The following ECEL1 variants were observed in gnomAD, a reference collection of about 807,000 sequenced individuals.
The protein encoded by ECEL1 is endothelin converting enzyme like 1, also known as endothelin-converting enzyme-like 1.
Under a neutral mutation model 101.8 loss-of-function variants are expected in ECEL1, and 87 were observed. That is an observed-to-expected ratio of 0.85 (90% CI 0.72 to 1.02). The LOEUF (loss-of-function observed/expected upper bound fraction) is 1.02, where lower values mean the gene tolerates loss of function less well. ECEL1 is among the 50% of genes least tolerant of loss of function. The pLI, the probability that ECEL1 is intolerant of heterozygous loss-of-function variation, is 0.00. For missense variants in ECEL1, 1,032 were observed against 1,079.2 expected, an observed-to-expected ratio of 0.96 and a Z score of 0.61; for synonymous variants, 487 against 468.7, an observed-to-expected ratio of 1.04 and a Z score of -0.50.
chr2:232,480,241 C>G lies in ECEL1; in HGVS notation c.2240G>C (p.Ser747Thr). The part of the protein sequence containing the change: ...HAPEHYRVLG[S>T]VSQFEEFGRA... Reference sequence around the variant, plus strand: ...GCCAAACTCCTCAAACTGGGACACACTGCCCAGCACCCTGGGGTGGGGAGA... The same window carrying G: ...GCCAAACTCCTCAAACTGGGACACAGTGCCCAGCACCCTGGGGTGGGGAGA... Residue 747 changes from serine to threonine, a missense_variant, in exon 18 of 18, where the codon AGT becomes ACT. By Grantham distance (58) the Ser-to-Thr change is moderately conservative. Coordinates refer to ENST00000304546, the MANE Select transcript of ECEL1 (RefSeq NM_004826.4). 6.2e-7 allele frequency: 1 copy of G among 1,613,992 alleles called. No homozygotes were observed. The highest frequency in any genetic ancestry group is 2.2e-5 in the East Asian group (1 of 44,872).
intron 9 of ECEL1, 50 bp downstream of exon 9, chr2:232,483,055 C>T (rs1395424018): frequency 6.2e-6 from 10 of 1,612,076 alleles, no homozygotes; most frequent in African/African-American, 4.0e-5. Context: ...TCCTGAGTGC[C>T]GTTAGTAGAG....
chr2:232,482,560 C>T lies in ECEL1; in HGVS notation c.1734G>A (p.Lys578=). The part of the protein sequence containing the change: ...QALNAYYLPN[K]NQMVFPAGIL... ...GACACATCCCCTTACCCATCTGGTT[C>T]TTGTTGGGTAGATAGTAGGCATTGA... The change falls in exon 11 of 18, where the codon AAG becomes AAA. Residue 578 remains lysine, a synonymous_variant. Transcript: ENST00000304546. The T allele has an allele frequency of 6.2e-7, 1 of 1,613,868 alleles. No individual in the cohort carries two copies. The highest frequency in any genetic ancestry group is 8.5e-7 in the Non-Finnish European group (1 of 1,179,988).
chr2:232,486,533 C>G lies in ECEL1; in HGVS notation c.121G>C (p.Ala41Pro). The change falls in exon 2 of 18, where the codon GCT (alanine) becomes CCT (proline). Residue 41 changes from alanine to proline, a missense_variant. Physicochemically the swap from Ala to Pro is conservative, Grantham distance 27. Transcript: ENST00000304546. ...ASLPPGFPLG[A>P]ARSATGARSG... is the part of the protein sequence containing the mutation. ...CGGGCCCCGGTGGCGCTGCGCGCAG[C>G]GCCCAACGGGAAGCCCGGGGGCAGG... 7.5e-7 allele frequency: 1 copy of G among 1,341,926 alleles called. No homozygotes were observed. Among genetic ancestry groups the G allele is most frequent in the Non-Finnish European group, 9.5e-7 (1 of 1,056,698 alleles). The allele number at this position is 1,341,926 out of a possible 1,614,324, so 83.1% of individuals were successfully genotyped here.
At position 232,486,163 on chromosome 2, in the gene ECEL1, A is replaced by C. The variant is rs984257553; in HGVS notation, c.491T>G (p.Leu164Arg). The C allele has an allele frequency of 1.3e-6, 2 of 1,576,360 alleles. No individual in the cohort carries two copies. Among genetic ancestry groups the C allele is most frequent in the Admixed American group, 3.6e-5 (2 of 55,380 alleles). Residue 164 changes from leucine (L) to arginine (R), a missense_variant, in exon 2 of 18, where the codon CTG (leucine) becomes CGG (arginine). Leu to Arg is a moderately radical substitution (Grantham distance 102). Coordinates refer to ENST00000304546, the MANE Select transcript of ECEL1 (RefSeq NM_004826.4). Reference protein sequence around the residue: ...GEQNEERLRRLLARPGGGPGG... With the variant: ...GEQNEERLRRRLARPGGGPGG... ...AGGCCCACCCCCGGGCCGCGCCAGC[A>C]GGCGCCGTAGGCGCTCCTCGTTTTG...
intron 7 of ECEL1, among the ~76,000 whole-genome samples, chr2:232,483,725 G>A (rs1004451241): frequency 3.3e-5 from 5 of 152,262 alleles, no homozygotes; most frequent in African/African-American, 1.2e-4. Flanking sequence ...AATGACCACA[G>A]ACATCCCTAA....
At chr2:232,487,494 CA>C (rs1228207158) in intron 1 of ECEL1, among the ~76,000 whole-genome samples, 1 of 152,124 alleles carries the variant, frequency 6.6e-6, no homozygotes, top group Non-Finnish European at 1.5e-5. Context: ...GGCGAAGTTT[CA>C]CCCCCGGCGG....
chr2:232,483,212 G>T, intron 8 of ECEL1, 33 bp from the exon 9 acceptor site: 1 of 1,580,898 alleles, frequency 6.3e-7, no homozygotes, highest in Non-Finnish European at 8.6e-7. Flanking sequence ...GGTGGCACCA[G>T]GCCTCGGGAG....
intron 1 of ECEL1, among the ~76,000 whole-genome samples, chr2:232,487,513 G>C (rs925581016): frequency 2.0e-5 from 3 of 151,814 alleles, no homozygotes; most frequent in Non-Finnish European, 2.9e-5. Flanking sequence ...CGGGGAGCGA[G>C]CTGGCTGGCG....
At position 232,485,369 on chromosome 2, in the gene ECEL1, T is replaced by C. The variant is rs575997671; in HGVS notation, c.787-102A>G. 1.2e-5 allele frequency: 16 copies of C among 1,341,214 alleles called. No individual in the cohort carries two copies. The East Asian group carries it at 3.9e-4, about 33-fold the overall frequency. 83.1% of individuals were successfully genotyped at this position (1,341,214 alleles called of 1,614,324 possible). On this transcript the variant is annotated intron_variant, in intron 2 of 17. Coordinates refer to ENST00000304546, the MANE Select transcript of ECEL1 (RefSeq NM_004826.4). ...TGCCCAGAGAGCAACCAGACATCCA[T>C]GAGTACAGCCACAGAAGCACGCAGA...
intron 15 of ECEL1, 134 bp downstream of exon 15, chr2:232,480,957 A>C: frequency 2.2e-6 from 3 of 1,373,006 alleles, no homozygotes; most frequent in Non-Finnish European, 3.0e-6. Flanking sequence ...CCGTGGCCCC[A>C]GCACATGCCC....
At position 232,480,009 on chromosome 2, in the gene ECEL1, G is replaced by A. The variant is rs932791476; in HGVS notation, c.*144C>T. On this transcript the variant is annotated 3_prime_UTR_variant, in exon 18 of 18. Coordinates refer to ENST00000304546, the MANE Select transcript of ECEL1 (RefSeq NM_004826.4). Reference sequence around the variant, plus strand: ...GCTCCAGGCCCCTCCTGAAGTGAGGGGCAGCAGGGGGACCGGGTCCTGGAG... The same window carrying A: ...GCTCCAGGCCCCTCCTGAAGTGAGGAGCAGCAGGGGGACCGGGTCCTGGAG... 2.7e-6 allele frequency: 2 copies of A among 730,636 alleles called. No individual in the cohort carries two copies. Among genetic ancestry groups the A allele is most frequent in the South Asian group, 1.8e-5 (1 of 55,288 alleles). 45.3% of individuals were successfully genotyped at this position (730,636 alleles called of 1,614,324 possible). A position where few individuals can be genotyped will look rare whatever the true frequency, so the allele number is the denominator to read the frequency against.
rs1559273082 is a variant in ECEL1, at chr2:232,481,542, G to C, written c.1953C>G (p.Val651=). ...AGACAGTGAAGTTGTCATAGAGACG[G>C]ACGATGCACTCAGCCTTTCGCAGGA... ...SRFLRKAECI[V]RLYDNFTVYN... is the part of the protein sequence containing the mutation. Residue 651 remains valine (V), a synonymous_variant, in exon 14 of 18, where the codon GTC becomes GTG. Transcript: ENST00000304546. The C allele has an allele frequency of 6.2e-7, 1 of 1,613,598 alleles. No homozygotes were observed. Among genetic ancestry groups the C allele is most frequent in the Non-Finnish European group, 8.5e-7 (1 of 1,179,902 alleles).
chr2:232,485,483 G>T (rs1452565315), intron 2 of ECEL1, among the ~76,000 whole-genome samples: 1 of 152,148 alleles, frequency 6.6e-6, no homozygotes, highest in African/African-American at 2.4e-5. Context: ...ACCCCTGTAC[G>T]TCTGCACTTT....
chr2:232,482,863 A>G lies in ECEL1; in HGVS notation c.1673T>C (p.Val558Ala), dbSNP rs965875713. The G allele has an allele frequency of 1.2e-6, 2 of 1,613,048 alleles. No homozygotes were observed. The highest frequency in any genetic ancestry group is 1.7e-5 in the Admixed American group (1 of 59,980). The change falls in exon 10 of 18, where the codon GTG becomes GCG. Residue 558 changes from valine (V) to alanine (A), a missense_variant. By Grantham distance (64) the Val-to-Ala change is moderately conservative. Transcript: ENST00000304546. ...QLSVKKIRQEVDKSTWLLPPQ... is the reference protein window; with the variant it reads ...QLSVKKIRQEADKSTWLLPPQ... ...GCCAGGCACCCACGTGGACTTGTCCACCTCCTGCCGAATCTTCTTAACTGA... is the reference window on the plus strand; with the variant it reads ...GCCAGGCACCCACGTGGACTTGTCCGCCTCCTGCCGAATCTTCTTAACTGA...
chr2:232,483,156 G>A lies in ECEL1; in HGVS notation c.1530C>T (p.Val510=), dbSNP rs182355168. 2.6e-5 allele frequency: 42 copies of A among 1,607,474 alleles called. No homozygotes were observed. The Middle Eastern group carries it at 9.9e-4, about 38-fold the overall frequency. Residue 510 remains valine (V), a synonymous_variant, in exon 9 of 18, where the codon GTC becomes GTT. Transcript: ENST00000304546. ...RAKLQYMMVM[V]GYPDFLLKPD... Reference sequence around the variant, plus strand: ...GTTTCAGCAGGAAGTCCGGGTAGCCGACCATCACCATCATGTACTGGAGCT... The same window carrying A: ...GTTTCAGCAGGAAGTCCGGGTAGCCAACCATCACCATCATGTACTGGAGCT...
rs904940410 is a variant in ECEL1, at chr2:232,480,091, C to T, written c.*62G>A. ...GCTGGCACCGGGTGCATGCCTGCCC[C>T]GGTAGCCAGCAGGAGGTGATTCGTG... On this transcript the variant is annotated 3_prime_UTR_variant, in exon 18 of 18. Coordinates refer to ENST00000304546, the MANE Select transcript of ECEL1 (RefSeq NM_004826.4). The T allele has an allele frequency of 4.9e-5, 76 of 1,553,216 alleles. No individual in the cohort carries two copies. The highest frequency in any genetic ancestry group is 6.8e-5 in the African/African-American group (5 of 73,754).
Position 232,482,927 on chromosome 2 carries a change from T to C in ECEL1, c.1609A>G (p.Lys537Glu), listed in dbSNP as rs770098089. 2 of 1,614,166 alleles carry C rather than the reference T, an allele frequency of 1.2e-6. No individual in the cohort carries two copies. The highest frequency in any genetic ancestry group is 1.7e-6 in the Non-Finnish European group (2 of 1,180,036). ...AAGCGGATGCTGTTCAAGATGTTCT[T>C]GAAGTAGGTCTTCTCATGGACCTCA... The part of the protein sequence containing the change: ...EFEVHEKTYF[K>E]NILNSIRFSI... Residue 537 changes from lysine (K) to glutamate (E), a missense_variant, in exon 10 of 18, where the codon AAG (lysine) becomes GAG (glutamate). By Grantham distance (56) the Lys-to-Glu change is moderately conservative. Coordinates refer to ENST00000304546, the MANE Select transcript of ECEL1 (RefSeq NM_004826.4).
chr2:232,484,607 AAGGACAGGGAC>A lies in ECEL1; in HGVS notation c.1060-22_1060-12del. On this transcript the variant is annotated splice_polypyrimidine_tract_variant and intron_variant, in intron 5 of 17. Transcript: ENST00000304546. ...CCACTTCCACCGCAACTGTGAGACCAAGGACAGGGACAGTGAGGCTAGGGTTGGCAGGGGCC... is the reference window on the plus strand; with the variant it reads ...CCACTTCCACCGCAACTGTGAGACCAAGTGAGGCTAGGGTTGGCAGGGGCC... 3 of 1,613,798 alleles carry A rather than the reference AAGGACAGGGAC, an allele frequency of 1.9e-6. No individual in the cohort carries two copies. The highest frequency in any genetic ancestry group is 2.5e-6 in the Non-Finnish European group (3 of 1,179,984).
At position 232,486,342 on chromosome 2, in the gene ECEL1, G is replaced by A; in HGVS notation, c.312C>T (p.Ala104=). ...CCAGGAAGCGAGCGGCGCGCGCGAA[G>A]GCCTTGCGCTCAGGGCAGCCCTCGG... The part of the protein sequence containing the change: ...ACPEGCPERK[A]FARAARFLAA... The change falls in exon 2 of 18, where the codon GCC becomes GCT. Residue 104 remains alanine, a synonymous_variant. Transcript: ENST00000304546. 1 of 1,553,002 alleles carries A rather than the reference G, an allele frequency of 6.4e-7. No homozygotes were observed. Among genetic ancestry groups the A allele is most frequent in the African/African-American group, 1.4e-5 (1 of 72,454 alleles).
Sources: gnomAD v4.1 joint callset for allele counts (sites outside exome capture counted in the v4.1 genomes callset) on GRCh38, gnomAD v4.1.1 for gene constraint, MANE v1.5 for transcripts, NCBI Gene and HGNC (gene_info 2026-07-23, HGNC 2026-07-21) for gene names.